The following DLGAP2 variants were observed in gnomAD, a reference collection of about 807,000 sequenced individuals.
DLGAP2 encodes disks large-associated protein 2.
A neutral mutation model predicts 100.3 loss-of-function variants in DLGAP2; 26 were observed. That is an observed-to-expected ratio of 0.26 (90% CI 0.19 to 0.36). The LOEUF (loss-of-function observed/expected upper bound fraction) is 0.36, where lower values mean the gene tolerates loss of function less well. Ranked by LOEUF, DLGAP2 falls within the 10% of genes least tolerant of loss-of-function variation. The pLI is 1.00. For missense variants in DLGAP2, 1,858 were observed against 1,453.2 expected (o/e 1.28, Z -4.53); for synonymous variants, 886 against 630.1 (o/e 1.41, Z -6.08).
At chr8:1,326,620 C>G (rs1169119096) in intron 3 of DLGAP2, among the ~76,000 whole-genome samples, 1 of 152,108 alleles carries the variant, frequency 6.6e-6, no homozygotes, top group Non-Finnish European at 1.5e-5. Context: ...CAGTCTTGGT[C>G]TGGGCCTGTC....
chr8:1,341,617 A>G (rs1801420268), intron 3 of DLGAP2, among the ~76,000 whole-genome samples: 2 of 152,168 alleles, frequency 1.3e-5, no homozygotes, highest in Admixed American at 1.3e-4. Context: ...CGTTTTCCCC[A>G]TAATCTTTGC....
intron 2 of DLGAP2, among the ~76,000 whole-genome samples, chr8:1,162,768 GTGTC>G (rs1796916103): frequency 6.6e-6 from 1 of 152,130 alleles, no homozygotes; most frequent in African/African-American, 2.4e-5. Context: ...TGTCTGTACT[GTGTC>G]TGTTGTCTGT....
intron 3 of DLGAP2, among the ~76,000 whole-genome samples, chr8:1,267,731 G>C (rs77196116): frequency 3.3e-5 from 5 of 151,952 alleles, no homozygotes; most frequent in African/African-American, 1.2e-4. Flanking sequence ...TAGCAACTCT[G>C]TTGGACTTCC....
At chr8:1,299,769 C>G (rs1043405739) in intron 3 of DLGAP2, among the ~76,000 whole-genome samples, 1 of 152,138 alleles carries the variant, frequency 6.6e-6, no homozygotes, top group African/African-American at 2.4e-5. Flanking sequence ...CCCTGGACTG[C>G]ACTTTTAAAG....
At chr8:1,069,322 C>T (rs546445565) in intron 2 of DLGAP2, among the ~76,000 whole-genome samples, 12 of 152,254 alleles carry the variant, frequency 7.9e-5, no homozygotes, top group African/African-American at 1.9e-4. Flanking sequence ...GAGGCCGGGT[C>T]GGACAGACCT....
chr8:916,878 G>A (rs751363077), intron 2 of DLGAP2, among the ~76,000 whole-genome samples: 24 of 152,146 alleles, frequency 1.6e-4, no homozygotes, highest in Non-Finnish European at 1.0e-4. Context: ...AGAGAGCTGC[G>A]TTGAGACCAA....
chr8:965,571 C>T (rs552486454), intron 2 of DLGAP2, among the ~76,000 whole-genome samples: 6 of 140,126 alleles, frequency 4.3e-5, no homozygotes, highest in East Asian at 4.6e-4. Context: ...CCAACCCCCG[C>T]GTGCACACGG....
At chr8:1,505,511 C>T (rs1799875673) in intron 4 of DLGAP2, among the ~76,000 whole-genome samples, 1 of 152,174 alleles carries the variant, frequency 6.6e-6, no homozygotes, top group Non-Finnish European at 1.5e-5. Flanking sequence ...TGTTATTAGC[C>T]ATTACCTCTT....
chr8:1,309,186 T>A (rs901268409), intron 3 of DLGAP2, among the ~76,000 whole-genome samples: 10 of 152,028 alleles, frequency 6.6e-5, no homozygotes, highest in Admixed American at 5.2e-4. Flanking sequence ...AGAAAGAATA[T>A]TTGGAGAAAT....
intron 3 of DLGAP2, among the ~76,000 whole-genome samples, chr8:1,453,908 T>C (rs1171636889): frequency 6.6e-6 from 1 of 152,222 alleles, no homozygotes; most frequent in Non-Finnish European, 1.5e-5. Flanking sequence ...ATTTTTGTCT[T>C]TGGGGTTTTG....
At position 768,031 on chromosome 8, in the gene DLGAP2, A is replaced by C. The variant is rs77947049; in HGVS notation, c.18+30206A>C. Among the ~76,000 whole-genome samples the C allele has an allele frequency of 6.8e-3, 1,032 of 152,334 alleles. 31 individuals are homozygous for C. In the East Asian group the frequency reaches 0.078, roughly 11 times the overall value. On this transcript the variant is annotated intron_variant, in intron 1 of 14. Coordinates refer to ENST00000637795, the MANE Select transcript of DLGAP2 (RefSeq NM_001346810.2). Reference sequence around the variant, plus strand: ...AATTTAGAGGGACATGGTGGAGTGAAGGAAGATGTGCATTCTCTTTCAGCT... The same window carrying C: ...AATTTAGAGGGACATGGTGGAGTGACGGAAGATGTGCATTCTCTTTCAGCT...
At chr8:1,078,422 G>T (rs1803694837) in intron 2 of DLGAP2, among the ~76,000 whole-genome samples, 1 of 152,142 alleles carries the variant, frequency 6.6e-6, no homozygotes. Context: ...ATTGATGGAA[G>T]CCCACAGCTT....
intron 2 of DLGAP2, among the ~76,000 whole-genome samples, chr8:1,209,897 C>T (rs149423589): frequency 6.6e-6 from 1 of 152,168 alleles, no homozygotes; most frequent in African/African-American, 2.4e-5. Flanking sequence ...ATCCCACCTC[C>T]CTCCCTGAGA....
intron 3 of DLGAP2, among the ~76,000 whole-genome samples, chr8:1,324,369 A>T (rs2117044983): frequency 6.6e-6 from 1 of 152,310 alleles, no homozygotes; most frequent in Non-Finnish European, 1.5e-5. Flanking sequence ...GTTTGACTTT[A>T]CAACACTGTA....
Position 830,470 on chromosome 8 carries a change from T to C in DLGAP2, c.19-77442T>C, listed in dbSNP as rs371559136. ...AAGCCCCATGACCCTTCCCAGCCACTGGAGCCATCATTCTACTCTCTATCT... is the reference window on the plus strand; with the variant it reads ...AAGCCCCATGACCCTTCCCAGCCACCGGAGCCATCATTCTACTCTCTATCT... On this transcript the variant is annotated intron_variant, in intron 1 of 14. Transcript: ENST00000637795. Among the ~76,000 whole-genome samples, 242 of 152,330 alleles carry C rather than the reference T, an allele frequency of 1.6e-3. 12 individuals are homozygous for C. In the South Asian group the frequency reaches 0.049, roughly 31 times the overall value.
chr8:1,022,868 G>C (rs1801669811), intron 2 of DLGAP2, among the ~76,000 whole-genome samples: 1 of 152,210 alleles, frequency 6.6e-6, no homozygotes. Context: ...TTGGTATTCA[G>C]GGTATTCAGA....
rs188621583 is a variant in DLGAP2 at position 1,144,827 on chromosome 8, G to A, written c.74-114024G>A. 2.0e-3 allele frequency among the ~76,000 whole-genome samples: 309 copies of A among 151,880 alleles called. 1 individual carries two copies. The highest frequency in any genetic ancestry group is 7.1e-3 in the African/African-American group (292 of 41,318). ...CTGTATGCACAACCAAACCGCAGAC[G>A]GCCTGTACCCACAGTCAGACCGCAG... On this transcript the variant is annotated intron_variant, in intron 2 of 14. Transcript: ENST00000637795.
chr8:1,366,013 C>G (rs530052309), intron 3 of DLGAP2, among the ~76,000 whole-genome samples: 2 of 152,372 alleles, frequency 1.3e-5, no homozygotes, highest in Non-Finnish European at 2.9e-5. Flanking sequence ...ACCGTCCAGC[C>G]TGGCTTCTGC....
At chr8:1,440,770 C>T (rs532662804) in intron 3 of DLGAP2, among the ~76,000 whole-genome samples, 1 of 152,254 alleles carries the variant, frequency 6.6e-6, no homozygotes, top group South Asian at 2.1e-4. Flanking sequence ...GGCAGATGAA[C>T]CTGCAGATGA....
Sources: allele counts gnomAD v4.1 joint callset (sites outside exome capture counted in the v4.1 genomes callset), GRCh38; gene constraint gnomAD v4.1.1; transcripts MANE v1.5; gene names NCBI Gene and HGNC (gene_info 2026-07-23, HGNC 2026-07-21).